Variants in RFTN1 observed in about 807,000 individuals in gnomAD.
RFTN1 encodes the protein raftlin.
In RFTN1, 26 loss-of-function variants were observed where a neutral mutation model predicts 46.5. The observed-to-expected ratio is 0.56, with a 90% CI of 0.41 to 0.78. The LOEUF (loss-of-function observed/expected upper bound fraction) is 0.78, where lower values mean the gene tolerates loss of function less well. Ranked by LOEUF, RFTN1 falls within the 30% of genes least tolerant of loss-of-function variation. RFTN1 has a pLI of 0.00. For missense variants in RFTN1, 693 were observed against 718.7 expected (o/e 0.96, Z 0.41); for synonymous variants, 261 against 284.2 (o/e 0.92, Z 0.82).
chr3:16,493,090 G>A (rs577751635), intron 2 of RFTN1, among the ~76,000 whole-genome samples: 1 of 152,350 alleles, frequency 6.6e-6, no homozygotes, highest in South Asian at 2.1e-4. Context: ...AGTTTCATAC[G>A]AGGAGAGAAG....
chr3:16,449,509 G>C lies in RFTN1; in HGVS notation c.146-15472C>G, dbSNP rs2075788221. Among the ~76,000 whole-genome samples the C allele has an allele frequency of 6.6e-6, 1 of 152,184 alleles. No individual in the cohort carries two copies. The highest frequency in any genetic ancestry group is 2.1e-4 in the South Asian group (1 of 4,830). Reference sequence around the variant, plus strand: ...ACATAAAGTCCTAGAACTGCACCTGGAACTGGTAACTCCTCCATACACGGG... The same window carrying C: ...ACATAAAGTCCTAGAACTGCACCTGCAACTGGTAACTCCTCCATACACGGG... On this transcript the variant is annotated intron_variant, in intron 2 of 9. Coordinates refer to ENST00000334133, the MANE Select transcript of RFTN1 (RefSeq NM_015150.2). The surrounding 1 kb of genome is among the most constrained non-coding windows in gnomAD (Gnocchi z 5.1).
At chr3:16,318,814 C>G (rs1430310690) in intron 9 of RFTN1, among the ~76,000 whole-genome samples, 1 of 152,188 alleles carries the variant, frequency 6.6e-6, no homozygotes, top group Non-Finnish European at 1.5e-5. Flanking sequence ...TGAAATGTCT[C>G]GTACTGTAGC....
rs2125179146 is a variant in RFTN1, at chr3:16,320,345, T to C, written c.1332+3031A>G. Reference sequence around the variant, plus strand: ...TTGCTGATTAAAAGAAGACTAAATATGCCACATCCTCGGTGTGCCAATCTT... The same window carrying C: ...TTGCTGATTAAAAGAAGACTAAATACGCCACATCCTCGGTGTGCCAATCTT... On this transcript the variant is annotated intron_variant, in intron 9 of 9. Transcript: ENST00000334133. This position sits in a 1 kb window ranked among gnomAD's most constrained non-coding sequence, Gnocchi z 4.5. Among the ~76,000 whole-genome samples the C allele has an allele frequency of 6.6e-6, 1 of 152,364 alleles. No individual in the cohort carries two copies. Among genetic ancestry groups the C allele is most frequent in the South Asian group, 2.1e-4 (1 of 4,832 alleles).
At chr3:16,477,773 TA>T (rs2076306074) in intron 2 of RFTN1, among the ~76,000 whole-genome samples, 1 of 152,258 alleles carries the variant, frequency 6.6e-6, no homozygotes, top group South Asian at 2.1e-4. Flanking sequence ...ATCTCATCAA[TA>T]TGTTTAAATG....
rs1019573597 is a variant in RFTN1, at chr3:16,356,434, A to G, written c.1146+1498T>C. ...TCTGACGACTCCAGTTCCTTTGGGT[A>G]CTCCATTGCTATCACACTTGCAAGC... is the stretch of plus-strand genomic sequence containing the variant. On this transcript the variant is annotated intron_variant, in intron 7 of 9. Transcript: ENST00000334133. This position sits in a 1 kb window ranked among gnomAD's most constrained non-coding sequence, Gnocchi z 4.9. 2.6e-5 allele frequency among the ~76,000 whole-genome samples: 4 copies of G among 152,046 alleles called. No individual in the cohort carries two copies. Among genetic ancestry groups the G allele is most frequent in the African/African-American group, 9.7e-5 (4 of 41,386 alleles).
At chr3:16,358,614 C>T (rs963505747) in intron 6 of RFTN1, among the ~76,000 whole-genome samples, 1 of 152,040 alleles carries the variant, frequency 6.6e-6, no homozygotes, top group Non-Finnish European at 1.5e-5. Context: ...TAATTTACCA[C>T]TGGAAATGTT....
Position 16,494,269 on chromosome 3 carries a change from A to T in RFTN1, c.-8-392T>A, listed in dbSNP as rs557151353. Among the ~76,000 whole-genome samples the T allele has an allele frequency of 1.1e-4, 17 of 152,334 alleles. No individual in the cohort carries two copies. The East Asian group carries it at 3.3e-3, about 29-fold the overall frequency. ...TTATAGTGTCAGCCCATCTATAAAA[A>T]ACAAGAGATGTGTCACCTTCACTGT... On this transcript the variant is annotated intron_variant, in intron 1 of 9. Coordinates refer to ENST00000334133, the MANE Select transcript of RFTN1 (RefSeq NM_015150.2).
intron 4 of RFTN1, among the ~76,000 whole-genome samples, chr3:16,406,727 C>T (rs1013005292): frequency 6.6e-6 from 1 of 152,124 alleles, no homozygotes; most frequent in Admixed American, 6.5e-5. Context: ...CAAATGAAAC[C>T]AATTTTCTTC....
rs1454655269 is a variant in RFTN1, at chr3:16,387,934, TCCTG to T, written c.442-9836_442-9833del. Among the ~76,000 whole-genome samples the T allele has an allele frequency of 2.0e-5, 3 of 152,228 alleles. No individual in the cohort carries two copies. The East Asian group carries it at 5.8e-4, about 29-fold the overall frequency. On this transcript the variant is annotated intron_variant, in intron 4 of 9. Coordinates refer to ENST00000334133, the MANE Select transcript of RFTN1 (RefSeq NM_015150.2). The surrounding 1 kb of genome is among the most constrained non-coding windows in gnomAD (Gnocchi z 5.2). ...ACCACCACCTTTCTGCTGGTTTTCTTCCTGCATGCTGGCCTGTATACAGCCCTCA... is the reference window on the plus strand; with the variant it reads ...ACCACCACCTTTCTGCTGGTTTTCTTCATGCTGGCCTGTATACAGCCCTCA...
At chr3:16,365,009 T>G (rs1018017382) in intron 6 of RFTN1, among the ~76,000 whole-genome samples, 4 of 152,264 alleles carry the variant, frequency 2.6e-5, no homozygotes, top group Non-Finnish European at 4.4e-5. Context: ...TACAGTTTTT[T>G]ACGTGTGTGC....
chr3:16,352,311 G>T lies in RFTN1; in HGVS notation c.1146+5621C>A, dbSNP rs1378752004. On this transcript the variant is annotated intron_variant, in intron 7 of 9. Transcript: ENST00000334133. The surrounding 1 kb of genome is among the most constrained non-coding windows in gnomAD (Gnocchi z 4.6). ...AGGTAGCACCTGGTGGTGTCTATAA[G>T]CTCTGATGGGCTGTCAGGCTCAAAG... Among the ~76,000 whole-genome samples, 1 of 152,198 alleles carries T rather than the reference G, an allele frequency of 6.6e-6. No homozygotes were observed. Among genetic ancestry groups the T allele is most frequent in the Non-Finnish European group, 1.5e-5 (1 of 68,044 alleles).
In RFTN1 at chr3:16,499,502, C is replaced by T. The variant is rs542991227; in HGVS notation, c.-8-5625G>A. ...ACCAACTTGCTGGCCATCTTGCCAG[C>T]AGGCCATGCTGGAAGTAGAGCTTCT... On this transcript the variant is annotated intron_variant, in intron 1 of 9. Coordinates refer to ENST00000334133, the MANE Select transcript of RFTN1 (RefSeq NM_015150.2). This position sits in a 1 kb window ranked among gnomAD's most constrained non-coding sequence, Gnocchi z 4.9. 9.2e-5 allele frequency among the ~76,000 whole-genome samples: 14 copies of T among 152,332 alleles called. 1 individual carries two copies. In the South Asian group the frequency reaches 2.9e-3, roughly 32 times the overall value.
chr3:16,507,242 C>T lies in RFTN1; in HGVS notation c.-9+6200G>A, dbSNP rs560219472. ...AGTACTCTACTGGGATTACTTGTTG[C>T]TCATTATGAAGACACCTTTTGACCT... On this transcript the variant is annotated intron_variant, in intron 1 of 9. Coordinates refer to ENST00000334133, the MANE Select transcript of RFTN1 (RefSeq NM_015150.2). The surrounding 1 kb of genome is among the most constrained non-coding windows in gnomAD (Gnocchi z 7.1). Among the ~76,000 whole-genome samples the T allele has an allele frequency of 5.9e-5, 9 of 152,226 alleles. No homozygotes were observed. In the East Asian group the frequency reaches 1.5e-3, roughly 26 times the overall value.
Position 16,387,570 on chromosome 3 carries a change from T to TTCTCTCTCTCTCTC in RFTN1, c.442-9482_442-9469dup, listed in dbSNP as rs3054539. Among the ~76,000 whole-genome samples, 4,895 of 116,182 alleles carry TTCTCTCTCTCTCTC rather than the reference T, an allele frequency of 0.042. 315 individuals carry two copies. Among genetic ancestry groups the TTCTCTCTCTCTCTC allele is most frequent in the African/African-American group, 0.054 (1,386 of 25,514 alleles). 76.2% of individuals were successfully genotyped at this position (116,182 alleles called of 152,430 possible). A position where few individuals can be genotyped will look rare whatever the true frequency, so the allele number is the denominator to read the frequency against. ...CACTTCTCTCTTCTATATCCTCAAT[T>TTCTCTCTCTCTCTC]TCTCTCTCTCTCTCTCTCTCTCTCT... On this transcript the variant is annotated intron_variant, in intron 4 of 9. Transcript: ENST00000334133. The surrounding 1 kb of genome is among the most constrained non-coding windows in gnomAD (Gnocchi z 5.2).
rs2074226211 is a variant in RFTN1 at position 16,387,575 on chromosome 3, T to TCTCTCTCTCTCTCTCTCTCTCTCC, written c.442-9474_442-9473insGGAGAGAGAGAGAGAGAGAGAGAG. ...CTCTCTTCTATATCCTCAATTTCTCTCTCTCTCTCTCTCTCTCTCTCTCTC... is the reference window on the plus strand; with the variant it reads ...CTCTCTTCTATATCCTCAATTTCTCTCTCTCTCTCTCTCTCTCTCTCTCCCTCTCTCTCTCTCTCTCTCTCTCTC... On this transcript the variant is annotated intron_variant, in intron 4 of 9. Transcript: ENST00000334133. The surrounding 1 kb of genome is among the most constrained non-coding windows in gnomAD (Gnocchi z 5.2). Among the ~76,000 whole-genome samples the TCTCTCTCTCTCTCTCTCTCTCTCC allele has an allele frequency of 2.3e-5, 1 of 42,914 alleles. No individual in the cohort carries two copies. Among genetic ancestry groups the TCTCTCTCTCTCTCTCTCTCTCTCC allele is most frequent in the African/African-American group, 4.8e-5 (1 of 20,688 alleles). The allele number at this position is 42,914 out of a possible 152,430, so 28.2% of individuals were successfully genotyped here. A position where few individuals can be genotyped will look rare whatever the true frequency, so the allele number is the denominator to read the frequency against.
intron 2 of RFTN1, among the ~76,000 whole-genome samples, chr3:16,441,541 A>G (rs2075624201): frequency 6.6e-6 from 1 of 152,222 alleles, no homozygotes; most frequent in African/African-American, 2.4e-5. Context: ...TTGGGAAAGT[A>G]TCAGCCTCCA....
chr3:16,454,638 C>G (rs187240534), intron 2 of RFTN1: 1 of 381,294 alleles, frequency 2.6e-6, no homozygotes, highest in Non-Finnish European at 3.6e-6. Context: ...AGACACAAAT[C>G]TCTCCTTTCT....
Position 16,468,649 on chromosome 3 carries a change from A to C in RFTN1, c.145+25076T>G, listed in dbSNP as rs945610104. Among the ~76,000 whole-genome samples the C allele has an allele frequency of 2.6e-4, 40 of 152,140 alleles. No individual in the cohort carries two copies. Among genetic ancestry groups the C allele is most frequent in the African/African-American group, 9.4e-4 (39 of 41,520 alleles). On this transcript the variant is annotated intron_variant, in intron 2 of 9. Coordinates refer to ENST00000334133, the MANE Select transcript of RFTN1 (RefSeq NM_015150.2). The surrounding 1 kb of genome is among the most constrained non-coding windows in gnomAD (Gnocchi z 4.4). ...GTTTGAGTAAAAAAAAAAAAAAAAAAAACTTTACTCAGAAAAAAGATAAGG... is the reference window on the plus strand; with the variant it reads ...GTTTGAGTAAAAAAAAAAAAAAAAACAACTTTACTCAGAAAAAAGATAAGG...
At chr3:16,397,069 GAAA>G (rs11290510) in intron 4 of RFTN1, among the ~76,000 whole-genome samples, 14 of 117,098 alleles carry the variant, frequency 1.2e-4, no homozygotes, top group African/African-American at 1.9e-4. Context: ...GTCTCAAAAT[GAAA>G]AAAAAAAAAA....
Sources: allele counts gnomAD v4.1 joint callset (sites outside exome capture counted in the v4.1 genomes callset), GRCh38; gene constraint gnomAD v4.1.1; non-coding constraint Gnocchi (gnomAD v3.1); transcripts MANE v1.5; gene names NCBI Gene and HGNC (gene_info 2026-07-23, HGNC 2026-07-21).